Variants in DIAPH2 observed in about 807,000 individuals in gnomAD.
DIAPH2 encodes diaphanous related formin 2.
Under a neutral mutation model 92.7 loss-of-function variants are expected in DIAPH2, and 35 were observed. That is an observed-to-expected ratio of 0.38 (90% confidence interval 0.29 to 0.50). DIAPH2 has a LOEUF of 0.50. Ranked by LOEUF, DIAPH2 falls within the 20% of genes least tolerant of loss-of-function variation. DIAPH2 has a pLI of 0.94. For synonymous variants in DIAPH2, 301 were observed against 280.4 expected (o/e 1.07, Z -0.73); for missense variants, 701 against 819.5 (o/e 0.86, Z 1.77).
intron 26 of DIAPH2, among the ~76,000 whole-genome samples, chrX:97,493,251 T>C (rs5921835): frequency 2.2e-5 from 2 of 90,220 alleles, no homozygotes; most frequent in South Asian, 3.9e-4. Context: ...TTTATTTATT[T>C]ATTCATTTAT....
intron 3 of DIAPH2, 121 bp from the exon 4 acceptor site, chrX:96,758,033 G>A (rs2064242782): frequency 1.7e-6 from 1 of 590,166 alleles, no homozygotes; most frequent in Non-Finnish European, 2.5e-6. Context: ...AAGGATTTTT[G>A]ACATTAGTCA....
At chrX:96,921,712 T>C (rs890932884) in intron 9 of DIAPH2, among the ~76,000 whole-genome samples, 4 of 108,285 alleles carry the variant, frequency 3.7e-5, no homozygotes, top group African/African-American at 1.3e-4. Context: ...TTTTTTTTTT[T>C]CTGTCTTCCT....
intron 1 of DIAPH2, among the ~76,000 whole-genome samples, chrX:96,717,816 G>GTATATATATATA (rs61272505): frequency 1.1e-4 from 4 of 36,374 alleles, no homozygotes; most frequent in Non-Finnish European, 1.6e-4. Context: ...TGGGTATATA[G>GTATATATATATA]TATATATATA....
chrX:97,440,588 G>A (rs1235631177), intron 26 of DIAPH2, among the ~76,000 whole-genome samples: 8 of 82,864 alleles, frequency 9.7e-5, no homozygotes, highest in African/African-American at 3.3e-4. Context: ...GTAAGACTTC[G>A]TCTCACAAAA....
At chrX:97,368,899 C>CTTTTTTTTTTTTT (rs386417287) in intron 24 of DIAPH2, among the ~76,000 whole-genome samples, 2 of 52,058 alleles carry the variant, frequency 3.8e-5, no homozygotes, top group Non-Finnish European at 3.2e-5. Context: ...TCTACCCTTT[C>CTTTTTTTTTTTTT]TTTTTTTTTT....
intron 26 of DIAPH2, among the ~76,000 whole-genome samples, chrX:97,530,148 A>T (rs1167400434): frequency 8.9e-6 from 1 of 111,934 alleles, no homozygotes; most frequent in East Asian, 2.8e-4. Context: ...GTCAGTACTG[A>T]AGGGGGCCAA....
intron 26 of DIAPH2, among the ~76,000 whole-genome samples, chrX:97,518,074 G>T (rs1163463760): frequency 8.9e-6 from 1 of 112,195 alleles, no homozygotes; most frequent in African/African-American, 3.2e-5. Context: ...ATGCAATCTT[G>T]TATGGCAAAT....
intron 10 of DIAPH2, among the ~76,000 whole-genome samples, chrX:96,936,705 A>G (rs1031895299): frequency 3.6e-5 from 4 of 112,123 alleles, no homozygotes; most frequent in African/African-American, 1.3e-4. Context: ...AGCTTAATAA[A>G]AAGTCCAAAC....
intron 4 of DIAPH2, among the ~76,000 whole-genome samples, chrX:96,813,522 C>T (rs1263019505): frequency 9.0e-6 from 1 of 111,374 alleles, no homozygotes; most frequent in East Asian, 2.8e-4. Context: ...AGCCCATTTA[C>T]ATTTAAGGTT....
chrX:96,978,636 GAAT>G (rs1180162588), intron 17 of DIAPH2, among the ~76,000 whole-genome samples: 2 of 109,860 alleles, frequency 1.8e-5, no homozygotes, highest in South Asian at 3.8e-4. Flanking sequence ...TTATTGTTGT[GAAT>G]AATATTAATT....
chrX:97,468,590 G>A (rs2070534510), intron 26 of DIAPH2, among the ~76,000 whole-genome samples: 1 of 105,962 alleles, frequency 9.4e-6, no homozygotes, highest in Admixed American at 1.0e-4. Context: ...TGATTTTGGT[G>A]TATTTACTGA....
intron 4 of DIAPH2, among the ~76,000 whole-genome samples, chrX:96,791,071 A>G (rs1261997806): frequency 8.9e-6 from 1 of 112,083 alleles, no homozygotes; most frequent in Non-Finnish European, 1.9e-5. Context: ...ATTATGCCTG[A>G]TAAAGGACTC....
chrX:97,221,833 T>A (rs1483765499), intron 22 of DIAPH2, among the ~76,000 whole-genome samples: 1 of 110,798 alleles, frequency 9.0e-6, no homozygotes, highest in Non-Finnish European at 1.9e-5. Flanking sequence ...TTAACAAAAA[T>A]GATTTTGCTC....
At chrX:97,424,193 G>A (rs1425315343) in intron 25 of DIAPH2, among the ~76,000 whole-genome samples, 2 of 111,954 alleles carry the variant, frequency 1.8e-5, no homozygotes, top group Non-Finnish European at 3.8e-5. Context: ...GAAAGTTATC[G>A]TGGAGCAAAA....
At chrX:96,996,991 C>T (rs1466214236) in intron 17 of DIAPH2, among the ~76,000 whole-genome samples, 2 of 111,764 alleles carry the variant, frequency 1.8e-5, no homozygotes, top group Non-Finnish European at 3.8e-5. Context: ...GTATATTTTG[C>T]GAACAGTCAG....
intron 1 of DIAPH2, among the ~76,000 whole-genome samples, chrX:96,693,132 A>G (rs935736881): frequency 8.9e-6 from 1 of 112,162 alleles, no homozygotes; most frequent in Non-Finnish European, 1.9e-5. Context: ...TTGTGTAACT[A>G]TTACTTTCCA....
At chrX:97,584,821 C>G (rs1366280788) in intron 26 of DIAPH2, among the ~76,000 whole-genome samples, 3 of 112,594 alleles carry the variant, frequency 2.7e-5, no homozygotes, top group Non-Finnish European at 3.8e-5. Context: ...TACATATTTA[C>G]CACTCAATTT....
chrX:97,213,971 G>A, intron 22 of DIAPH2, among the ~76,000 whole-genome samples: 1 of 112,032 alleles, frequency 8.9e-6, no homozygotes, highest in Non-Finnish European at 1.9e-5. Flanking sequence ...TTACTGAGCA[G>A]CTGGTTTTAA....
intron 22 of DIAPH2, among the ~76,000 whole-genome samples, chrX:97,163,506 G>C (rs1429077751): frequency 8.9e-6 from 1 of 111,828 alleles, no homozygotes; most frequent in Admixed American, 9.5e-5. Flanking sequence ...TTCAATACAT[G>C]GTCTCCACAC....
Sources: allele counts gnomAD v4.1 joint callset (sites outside exome capture counted in the v4.1 genomes callset), GRCh38; gene constraint gnomAD v4.1.1; transcripts MANE v1.5; gene names NCBI Gene and HGNC (gene_info 2026-07-23, HGNC 2026-07-21).